The following FNDC3A variants were observed in gnomAD, a reference collection of about 807,000 sequenced individuals.
FNDC3A encodes the protein fibronectin type-III domain-containing protein 3A.
In FNDC3A, 32 loss-of-function variants were observed where a neutral mutation model predicts 148.9. The ratio of observed to expected loss-of-function variants is 0.21; its 90% confidence interval spans 0.16 to 0.29. The LOEUF is 0.29. Ranked by LOEUF, FNDC3A falls within the 10% of genes least tolerant of loss-of-function variation. The pLI is 1.00. For synonymous variants in FNDC3A, 472 were observed against 473.6 expected (o/e 1.00, Z 0.04); for missense variants, 1,191 against 1,452.8 (o/e 0.82, Z 2.93).
At chr13:49,064,411 C>CCAA (rs1555286179) in intron 2 of FNDC3A, among the ~76,000 whole-genome samples, 1 of 90,082 alleles carries the variant, frequency 1.1e-5, no homozygotes, top group Non-Finnish European at 2.1e-5. Context: ...GCCCCCCCCC[C>CCAA]AAAAAAAAAA....
At chr13:49,021,922 CAG>C (rs1873357540) in intron 2 of FNDC3A, among the ~76,000 whole-genome samples, 1 of 152,098 alleles carries the variant, frequency 6.6e-6, no homozygotes, top group Non-Finnish European at 1.5e-5. Context: ...CTTTGGAAAA[CAG>C]TGTTTATTAT....
Position 49,150,943 on chromosome 13 carries a change from CAA to C in FNDC3A, c.977+5028_977+5029del, listed in dbSNP as rs35888648. On this transcript the variant is annotated intron_variant, in intron 8 of 25. Coordinates refer to ENST00000492622, the MANE Select transcript of FNDC3A (RefSeq NM_001079673.2). ...CTGGCAACCCAGCAAGACTCCGTCT[CAA>C]AAAAAAAAAAAAAAAAAAATTGTTG... Among the ~76,000 whole-genome samples the C allele has an allele frequency of 6.2e-3, 659 of 107,084 alleles. 3 individuals are homozygous for C. The highest frequency in any genetic ancestry group is 0.016 in the African/African-American group (457 of 28,528). 70.3% of individuals were successfully genotyped at this position (107,084 alleles called of 152,430 possible).
intron 3 of FNDC3A, among the ~76,000 whole-genome samples, chr13:49,084,785 A>G (rs1878695980): frequency 6.6e-6 from 1 of 152,040 alleles, no homozygotes; most frequent in African/African-American, 2.4e-5. Context: ...TTTGGTTTCA[A>G]GTGGCTCAGA....
intron 1 of FNDC3A, chr13:48,977,019 C>G (rs956814651): frequency 6.6e-6 from 1 of 152,128 alleles, no homozygotes; most frequent in Non-Finnish European, 1.5e-5. Flanking sequence ...CAACTGTTAG[C>G]GTTACAAGCC....
At chr13:49,077,378 C>T (rs1329602776) in intron 3 of FNDC3A, among the ~76,000 whole-genome samples, 1 of 152,222 alleles carries the variant, frequency 6.6e-6, no homozygotes. Context: ...TACTTCAAGA[C>T]AACTGATGTA....
intron 10 of FNDC3A, among the ~76,000 whole-genome samples, chr13:49,171,838 G>C (rs573660528): frequency 4.6e-5 from 7 of 152,278 alleles, no homozygotes; most frequent in South Asian, 2.1e-4. Context: ...GGAAAGACTT[G>C]AGTAGCTTCT....
At chr13:48,990,039 C>A (rs935989471) in intron 1 of FNDC3A, among the ~76,000 whole-genome samples, 1 of 151,988 alleles carries the variant, frequency 6.6e-6, no homozygotes, top group Non-Finnish European at 1.5e-5. Flanking sequence ...CGTGAACCAC[C>A]GTGCCTGGCC....
intron 10 of FNDC3A, among the ~76,000 whole-genome samples, chr13:49,171,109 C>T (rs993361261): frequency 6.6e-6 from 1 of 152,064 alleles, no homozygotes; most frequent in African/African-American, 2.4e-5. Context: ...AGATATTACC[C>T]TAACTTACAA....
At chr13:49,102,813 A>G (rs979064681) in intron 3 of FNDC3A, among the ~76,000 whole-genome samples, 3 of 152,230 alleles carry the variant, frequency 2.0e-5, no homozygotes, top group Non-Finnish European at 4.4e-5. Context: ...GTTTAATTAT[A>G]TGATAATTTT....
chr13:49,011,891 G>C (rs190216565), intron 2 of FNDC3A, among the ~76,000 whole-genome samples: 1 of 152,142 alleles, frequency 6.6e-6, no homozygotes, highest in African/African-American at 2.4e-5. Context: ...ATACTTTCGC[G>C]TTGAACATTT....
chr13:49,026,589 A>G (rs1221819449), intron 2 of FNDC3A, among the ~76,000 whole-genome samples: 2 of 152,078 alleles, frequency 1.3e-5, no homozygotes, highest in Non-Finnish European at 2.9e-5. Flanking sequence ...CTGCAGCCTC[A>G]GTCTCCTGGG....
At chr13:49,117,102 CAAGTAT>C (rs1389643413) in intron 4 of FNDC3A, among the ~76,000 whole-genome samples, 1 of 152,026 alleles carries the variant, frequency 6.6e-6, no homozygotes, top group Non-Finnish European at 1.5e-5. Context: ...TCCTCAATGC[CAAGTAT>C]ATAGCCTGTC....
At chr13:49,002,340 T>C (rs1952141989) in intron 1 of FNDC3A, among the ~76,000 whole-genome samples, 1 of 152,200 alleles carries the variant, frequency 6.6e-6, no homozygotes, top group South Asian at 2.1e-4. Flanking sequence ...TTTCTTCTAG[T>C]ATTAGTTTAT....
chr13:48,980,477 A>G (rs955690405), intron 1 of FNDC3A, among the ~76,000 whole-genome samples: 5 of 152,218 alleles, frequency 3.3e-5, no homozygotes, highest in Non-Finnish European at 7.4e-5. Flanking sequence ...TGATATTTAC[A>G]TTGATGAGCT....
intron 4 of FNDC3A, among the ~76,000 whole-genome samples, chr13:49,129,888 C>A (rs1279769794): frequency 6.6e-6 from 1 of 152,062 alleles, no homozygotes; most frequent in Non-Finnish European, 1.5e-5. Context: ...CTATACCTAC[C>A]AAGCACATAT....
In FNDC3A at chr13:49,131,132, T is replaced by C. The variant is rs199667644; in HGVS notation, c.253-5T>C. On this transcript the variant is annotated splice_region_variant and splice_polypyrimidine_tract_variant and intron_variant, in intron 4 of 25. Coordinates refer to ENST00000492622, the MANE Select transcript of FNDC3A (RefSeq NM_001079673.2). ...AGAAATTTTAATCTGATGTTCATTTTGTAGGTTATTGAAGACAATGGTGTT... is the reference window on the plus strand; with the variant it reads ...AGAAATTTTAATCTGATGTTCATTTCGTAGGTTATTGAAGACAATGGTGTT... 4.0e-4 allele frequency: 640 copies of C among 1,596,826 alleles called. No homozygotes were observed. The highest frequency in any genetic ancestry group is 4.6e-4 in the Non-Finnish European group (537 of 1,164,404).
At chr13:49,033,757 T>G (rs1036918344) in intron 2 of FNDC3A, among the ~76,000 whole-genome samples, 1 of 151,972 alleles carries the variant, frequency 6.6e-6, no homozygotes, top group African/African-American at 2.4e-5. Flanking sequence ...TACTTAAATT[T>G]TTTGTATTTA....
At chr13:49,197,127 T>C in intron 20 of FNDC3A, 137 bp downstream of exon 20, 1 of 474,086 alleles carries the variant, frequency 2.1e-6, no homozygotes, top group Non-Finnish European at 3.7e-6. Context: ...TGAAAAACAG[T>C]GACTTCTTTT....
At position 49,198,431 on chromosome 13, in the gene FNDC3A, G is replaced by A; in HGVS notation, c.2844G>A (p.Lys948=). The change falls in exon 23 of 26, where the codon AAG becomes AAA. Residue 948 remains lysine (K), a synonymous_variant. Transcript: ENST00000492622. ...PFSHMIKLKT[K]PLPPDPPRLE... The stretch of plus-strand genomic sequence containing the variant: ...GCCATATGATAAAATTAAAAACTAA[G>A]CCTCTCCCTCCTGATCCACCTCGTC... The A allele has an allele frequency of 1.2e-6, 2 of 1,614,092 alleles. No individual in the cohort carries two copies. Among genetic ancestry groups the A allele is most frequent in the Non-Finnish European group, 1.7e-6 (2 of 1,180,006 alleles).
Sources: gnomAD v4.1 joint callset for allele counts (sites outside exome capture counted in the v4.1 genomes callset) on GRCh38, gnomAD v4.1.1 for gene constraint, MANE v1.5 for transcripts, NCBI Gene and HGNC (gene_info 2026-07-23, HGNC 2026-07-21) for gene names.